The following CYTH3 variants were observed in gnomAD, a reference collection of about 807,000 sequenced individuals.
The protein encoded by CYTH3 is cytohesin-3.
A neutral mutation model predicts 55.1 loss-of-function variants in CYTH3; 23 were observed. The ratio of observed to expected loss-of-function variants is 0.42; its 90% confidence interval spans 0.30 to 0.59. The LOEUF (loss-of-function observed/expected upper bound fraction) is 0.59, where lower values mean the gene tolerates loss of function less well. Among genes scored for constraint, CYTH3 ranks in the 20% least tolerant of loss-of-function variants. The pLI is 0.20. For synonymous variants in CYTH3, 249 were observed against 194.9 expected (o/e 1.28, Z -2.31); for missense variants, 413 against 524.8 (o/e 0.79, Z 2.08).
At chr7:6,265,930 A>AT (rs769114387) in intron 1 of CYTH3, among the ~76,000 whole-genome samples, 16 of 152,142 alleles carry the variant, frequency 1.1e-4, no homozygotes, top group Non-Finnish European at 2.1e-4. Context: ...GTAATGCTTT[A>AT]TTTTTTAAAA....
At chr7:6,185,729 A>C (rs1783626529) in intron 4 of CYTH3, among the ~76,000 whole-genome samples, 1 of 151,594 alleles carries the variant, frequency 6.6e-6, no homozygotes, top group Non-Finnish European at 1.5e-5. Flanking sequence ...ATCTGGGTGC[A>C]GTGGCGCATA....
chr7:6,174,453 G>C (rs1225000462), intron 5 of CYTH3, among the ~76,000 whole-genome samples: 1 of 151,018 alleles, frequency 6.6e-6, no homozygotes, highest in Non-Finnish European at 1.5e-5. Flanking sequence ...ATAAGGGTTT[G>C]ACTTCCCTGC....
At position 6,222,408 on chromosome 7, in the gene CYTH3, TA is replaced by T. The variant is rs1784573067; in HGVS notation, c.35-31878del. Among the ~76,000 whole-genome samples, 4 of 152,250 alleles carry T rather than the reference TA, an allele frequency of 2.6e-5. No homozygotes were observed. The South Asian group carries it at 8.3e-4, about 32-fold the overall frequency. On this transcript the variant is annotated intron_variant, in intron 1 of 12. Transcript: ENST00000350796. ...CTGAAGAGAGGAGTCATTAACATTTTAACATACAGAGAAGAATCCCAGGCAA... is the reference window on the plus strand; with the variant it reads ...CTGAAGAGAGGAGTCATTAACATTTTACATACAGAGAAGAATCCCAGGCAA...
chr7:6,180,883 T>A (rs1783488917), intron 4 of CYTH3, among the ~76,000 whole-genome samples: 1 of 152,220 alleles, frequency 6.6e-6, no homozygotes, highest in East Asian at 1.9e-4. Flanking sequence ...AATACCCAAG[T>A]GTCTGTCTTG....
Position 6,164,757 on chromosome 7 carries a change from G to T in CYTH3, c.*187C>A. The stretch of plus-strand genomic sequence containing the variant: ...GGAGCAGCAGCTTGCACTGCAGGGC[G>T]ACCACCTCCCAGGACCCCAGCCACG... On this transcript the variant is annotated 3_prime_UTR_variant, in exon 13 of 13. Transcript: ENST00000350796. 1.4e-6 allele frequency: 1 copy of T among 693,084 alleles called. No individual in the cohort carries two copies. The highest frequency in any genetic ancestry group is 2.5e-6 in the Non-Finnish European group (1 of 394,002). 42.9% of individuals were successfully genotyped at this position (693,084 alleles called of 1,614,324 possible). A position where few individuals can be genotyped will look rare whatever the true frequency, so the allele number is the denominator to read the frequency against.
At chr7:6,270,010 C>T (rs1023311669) in intron 1 of CYTH3, among the ~76,000 whole-genome samples, 2 of 152,142 alleles carry the variant, frequency 1.3e-5, no homozygotes, top group South Asian at 4.1e-4. Context: ...TAAAAATATA[C>T]CAAAAAATGT....
At chr7:6,181,929 T>C (rs1783513521) in intron 4 of CYTH3, among the ~76,000 whole-genome samples, 1 of 152,290 alleles carries the variant, frequency 6.6e-6, no homozygotes. Flanking sequence ...CAATCCCCCA[T>C]TTTTATATCA....
chr7:6,214,375 C>A (rs1015129521), intron 1 of CYTH3, among the ~76,000 whole-genome samples: 2 of 152,194 alleles, frequency 1.3e-5, no homozygotes, highest in Non-Finnish European at 2.9e-5. Context: ...GAGAACTCTA[C>A]AGATTTCTAA....
chr7:6,204,027 CT>C (rs900356230), intron 1 of CYTH3, among the ~76,000 whole-genome samples: 31 of 150,740 alleles, frequency 2.1e-4, no homozygotes, highest in African/African-American at 7.1e-4. Context: ...TCATATTTCA[CT>C]TTTTATATAT....
intron 1 of CYTH3, among the ~76,000 whole-genome samples, chr7:6,271,976 GT>G (rs1210144283): frequency 6.6e-6 from 1 of 152,058 alleles, no homozygotes; most frequent in Non-Finnish European, 1.5e-5. Context: ...CTTTCCAACC[GT>G]TTCCCCTGCC....
chr7:6,262,137 C>G (rs768475629), intron 1 of CYTH3, among the ~76,000 whole-genome samples: 5 of 152,032 alleles, frequency 3.3e-5, no homozygotes, highest in Non-Finnish European at 1.5e-5. Flanking sequence ...GAAGAAGATA[C>G]AGAGTGAACG....
intron 4 of CYTH3, among the ~76,000 whole-genome samples, chr7:6,179,695 CACA>C (rs1783435715): frequency 1.1e-5 from 1 of 93,018 alleles, no homozygotes; most frequent in African/African-American, 4.9e-5. Flanking sequence ...CCCCCCCACA[CACA>C]CACCCCACAC....
chr7:6,187,523 G>T, intron 3 of CYTH3, 134 bp downstream of exon 3: 2 of 782,984 alleles, frequency 2.6e-6, no homozygotes, highest in East Asian at 2.5e-5. Flanking sequence ...AGTAGGGGGA[G>T]AGGAGAGGAA....
At chr7:6,209,955 G>C (rs1321261390) in intron 1 of CYTH3, among the ~76,000 whole-genome samples, 2 of 152,194 alleles carry the variant, frequency 1.3e-5, no homozygotes, top group Non-Finnish European at 2.9e-5. Flanking sequence ...GGGGTTCAGG[G>C]GGACACGGAC....
intron 5 of CYTH3, 112 bp from the exon 6 acceptor site, chr7:6,173,845 G>A: frequency 1.4e-6 from 1 of 702,300 alleles, no homozygotes; most frequent in Non-Finnish European, 2.6e-6. Flanking sequence ...GTTTCTGCAT[G>A]GCCATGCTTT....
chr7:6,192,553 GAC>G (rs1391810570), intron 1 of CYTH3, among the ~76,000 whole-genome samples: 7 of 92,948 alleles, frequency 7.5e-5, no homozygotes, highest in African/African-American at 3.5e-4. Flanking sequence ...TTTTTTTTGA[GAC>G]AGAGTCTCGC....
rs929546913 is a variant in CYTH3 at position 6,185,019 on chromosome 7, C to T, written c.249+2031G>A. ...ACATAAGACCCAGTTCTGAGCACAT[C>T]CACTTTCATAAAGAACCTGAGATGC... On this transcript the variant is annotated intron_variant, in intron 4 of 12. Transcript: ENST00000350796. Among the ~76,000 whole-genome samples the T allele has an allele frequency of 5.3e-5, 8 of 152,186 alleles. No homozygotes were observed. In the South Asian group the frequency reaches 1.2e-3, roughly 24 times the overall value.
intron 1 of CYTH3, among the ~76,000 whole-genome samples, chr7:6,196,233 G>T (rs187645396): frequency 6.6e-6 from 1 of 152,068 alleles, no homozygotes; most frequent in Admixed American, 6.6e-5. Context: ...GAATGAATGC[G>T]CACCACACTT....
intron 4 of CYTH3, among the ~76,000 whole-genome samples, chr7:6,184,665 G>T (rs1027623790): frequency 2.6e-5 from 4 of 151,650 alleles, no homozygotes; most frequent in Admixed American, 6.6e-5. Flanking sequence ...ACTGCAACCT[G>T]ACTCCCAGGT....
Sources: gnomAD v4.1 joint callset for allele counts (sites outside exome capture counted in the v4.1 genomes callset) on GRCh38, gnomAD v4.1.1 for gene constraint, MANE v1.5 for transcripts, NCBI Gene and HGNC (gene_info 2026-07-23, HGNC 2026-07-21) for gene names.